PIK3R4: variants seen among roughly 807,000 people sequenced by gnomAD.
PIK3R4 encodes phosphoinositide 3-kinase regulatory subunit 4.
Under a neutral mutation model 136.5 loss-of-function variants are expected in PIK3R4, and 46 were observed. That is an observed-to-expected ratio of 0.34 (90% CI 0.27 to 0.43). PIK3R4 has a LOEUF of 0.43. PIK3R4 is among the 20% of genes least tolerant of loss of function. PIK3R4 has a pLI of 1.00. For missense variants in PIK3R4, 1,331 were observed against 1,649.5 expected (o/e 0.81, Z 3.35); for synonymous variants, 557 against 566.7 (o/e 0.98, Z 0.24).
intron 10 of PIK3R4, among the ~76,000 whole-genome samples, chr3:130,707,336 A>G (rs2066611189): frequency 6.6e-6 from 1 of 152,196 alleles, no homozygotes; most frequent in African/African-American, 2.4e-5. Context: ...CAGATGGAAC[A>G]TATGTGCTTC....
chr3:130,687,523 C>T (rs1021338666), intron 14 of PIK3R4, among the ~76,000 whole-genome samples: 3 of 152,116 alleles, frequency 2.0e-5, no homozygotes, highest in South Asian at 4.1e-4. Flanking sequence ...ATTTTAACAT[C>T]CATTTGAGGG....
chr3:130,743,505 A>G (rs1453298866), intron 2 of PIK3R4, among the ~76,000 whole-genome samples: 1 of 152,134 alleles, frequency 6.6e-6, no homozygotes, highest in Non-Finnish European at 1.5e-5. Flanking sequence ...TCTCAAACTT[A>G]CCATATCTTA....
chr3:130,726,114 C>T (rs770499828), intron 6 of PIK3R4, among the ~76,000 whole-genome samples: 5 of 151,714 alleles, frequency 3.3e-5, no homozygotes, highest in African/African-American at 9.7e-5. Flanking sequence ...TACATACATA[C>T]GTTGCATATT....
intron 2 of PIK3R4, among the ~76,000 whole-genome samples, chr3:130,737,805 A>G (rs932901864): frequency 2.0e-5 from 3 of 152,266 alleles, no homozygotes; most frequent in African/African-American, 4.8e-5. Context: ...CTATTTCACA[A>G]TAAAGTGATT....
At chr3:130,680,379 C>T (rs139174611) in intron 19 of PIK3R4, 116 of 232,340 alleles carry the variant, frequency 5.0e-4, no homozygotes, top group African/African-American at 2.3e-3. Flanking sequence ...TGCTTCCTTA[C>T]GATGTTATAA....
chr3:130,723,870 T>G (rs2066717297), intron 6 of PIK3R4: 1 of 251,932 alleles, frequency 4.0e-6, no homozygotes, highest in African/African-American at 2.2e-5. Flanking sequence ...TTATATAATC[T>G]TCAGCAACAA....
intron 6 of PIK3R4, among the ~76,000 whole-genome samples, chr3:130,727,432 C>T (rs1260234338): frequency 1.3e-5 from 2 of 152,122 alleles, no homozygotes; most frequent in East Asian, 1.9e-4. Flanking sequence ...ACCGTGTTAG[C>T]CAGGATGGTC....
chr3:130,684,268 G>C lies in PIK3R4; in HGVS notation c.3589C>G (p.Gln1197Glu), dbSNP rs1258797285. ...ATCTTACCTGCAATCACCCAGGACT[G>C]ATACAGAGGGTGCATTGAGAGGCGT... The part of the protein sequence containing the change: ...IRRLSMHPLY[Q>E]SWVIAAVQGN... Residue 1197 changes from glutamine to glutamate, a missense_variant, in exon 16 of 20, where the codon CAG (glutamine) becomes GAG (glutamate). Transcript: ENST00000356763. The C allele has an allele frequency of 6.2e-7, 1 of 1,613,328 alleles. No individual in the cohort carries two copies. The highest frequency in any genetic ancestry group is 1.1e-5 in the South Asian group (1 of 91,046).
intron 13 of PIK3R4, among the ~76,000 whole-genome samples, chr3:130,701,705 C>A (rs1309498631): frequency 2.0e-5 from 3 of 151,984 alleles, no homozygotes; most frequent in African/African-American, 7.3e-5. Context: ...CATTTAAGAT[C>A]TGTGTACTTC....
chr3:130,732,737 CAT>C (rs891675834), intron 4 of PIK3R4, among the ~76,000 whole-genome samples: 14 of 151,316 alleles, frequency 9.3e-5, no homozygotes, highest in Admixed American at 5.3e-4. Flanking sequence ...CCACTTTTCA[CAT>C]GTTTCATTAA....
intron 7 of PIK3R4, among the ~76,000 whole-genome samples, chr3:130,722,911 A>G (rs1388523353): frequency 9.3e-5 from 14 of 150,512 alleles, no homozygotes; most frequent in Admixed American, 9.2e-4. Context: ...AAAAAAAAAA[A>G]AAAATTAGCC....
intron 7 of PIK3R4, among the ~76,000 whole-genome samples, chr3:130,719,661 A>G (rs2066687799): frequency 6.6e-6 from 1 of 152,150 alleles, no homozygotes; most frequent in South Asian, 2.1e-4. Flanking sequence ...CTAAACCCAT[A>G]ACGGTTTGAC....
At chr3:130,728,425 T>G (rs778166446) in intron 6 of PIK3R4, 38 bp downstream of exon 6, 1 of 1,312,872 alleles carries the variant, frequency 7.6e-7, no homozygotes, top group South Asian at 1.3e-5. Flanking sequence ...GAGAGGATGA[T>G]TAAAAATCTT....
intron 9 of PIK3R4, among the ~76,000 whole-genome samples, chr3:130,714,418 A>C (rs1427073408): frequency 6.6e-6 from 1 of 152,016 alleles, no homozygotes; most frequent in Non-Finnish European, 1.5e-5. Context: ...TTGGCTTCCC[A>C]AGGTGGGATT....
At position 130,690,661 on chromosome 3, in the gene PIK3R4, GA is replaced by G. The variant is rs1274633301; in HGVS notation, c.3099-8del. The stretch of plus-strand genomic sequence containing the variant: ...GCTGTATGTAAGAATAGATCTGAAT[GA>G]AAGAAAAATAAAATTCATTTATGAA... On this transcript the variant is annotated splice_polypyrimidine_tract_variant and splice_region_variant and intron_variant, in intron 13 of 19. Transcript: ENST00000356763. 1 of 1,566,922 alleles carries G rather than the reference GA, an allele frequency of 6.4e-7. No individual in the cohort carries two copies. Among genetic ancestry groups the G allele is most frequent in the Admixed American group, 1.8e-5 (1 of 55,702 alleles).
intron 13 of PIK3R4, among the ~76,000 whole-genome samples, chr3:130,703,464 T>G (rs113361202): frequency 6.6e-6 from 1 of 152,224 alleles, no homozygotes; most frequent in Non-Finnish European, 1.5e-5. Flanking sequence ...ACCCCACCTC[T>G]ACTGCATTTC....
At chr3:130,690,084 CAT>C (rs2066508163) in intron 14 of PIK3R4, among the ~76,000 whole-genome samples, 1 of 152,200 alleles carries the variant, frequency 6.6e-6, no homozygotes, top group Admixed American at 6.5e-5. Flanking sequence ...AGAATGCTGA[CAT>C]TTGAGTTTTC....
chr3:130,742,642 A>G (rs1194306496), intron 2 of PIK3R4, among the ~76,000 whole-genome samples: 1 of 152,238 alleles, frequency 6.6e-6, no homozygotes, highest in African/African-American at 2.4e-5. Context: ...GCAATCCTGA[A>G]TAACATTATT....
chr3:130,703,620 C>T lies in PIK3R4; in HGVS notation c.3098+103G>A, dbSNP rs1006249881. 1.8e-5 allele frequency: 14 copies of T among 784,990 alleles called. No homozygotes were observed. In the African/African-American group the frequency reaches 2.4e-4, roughly 14 times the overall value. 48.6% of individuals were successfully genotyped at this position (784,990 alleles called of 1,614,324 possible). The stretch of plus-strand genomic sequence containing the variant: ...AAGGATTTTTGTCCATTTATTGTTG[C>T]TGTATGCCTGGTACCCAAAACAGTG... On this transcript the variant is annotated intron_variant, in intron 13 of 19. Transcript: ENST00000356763.
Sources: allele counts gnomAD v4.1 joint callset (sites outside exome capture counted in the v4.1 genomes callset), GRCh38; gene constraint gnomAD v4.1.1; transcripts MANE v1.5; gene names NCBI Gene and HGNC (gene_info 2026-07-23, HGNC 2026-07-21).